The following LRFN2 variants were observed in gnomAD, a reference collection of about 807,000 sequenced individuals.
LRFN2 encodes the protein leucine-rich repeat and fibronectin type-III domain-containing protein 2.
LRFN2 carries 18 observed loss-of-function variants against 37.3 expected under a neutral mutation model. That is an observed-to-expected ratio of 0.48 (90% CI 0.33 to 0.72). The LOEUF (loss-of-function observed/expected upper bound fraction) is 0.72. LRFN2 is among the 30% of genes least tolerant of loss of function. The probability of loss-of-function intolerance (pLI) is 0.02; values close to 1 mark genes in which losing one functional copy is unlikely to be tolerated. For missense variants in LRFN2, 1,006 were observed against 1,060.7 expected (o/e 0.95, Z 0.72); for synonymous variants, 556 against 466.6 (o/e 1.19, Z -2.47).
intron 1 of LRFN2, chr6:40,517,588 C>T (rs1006385967): frequency 2.6e-4 from 39 of 152,342 alleles, no homozygotes; most frequent in African/African-American, 9.1e-4. Flanking sequence ...TATCCATTTC[C>T]CTGCTCGTTC....
chr6:40,474,585 G>A (rs1314416342), intron 1 of LRFN2, among the ~76,000 whole-genome samples: 2 of 152,162 alleles, frequency 1.3e-5, no homozygotes, highest in African/African-American at 2.4e-5. Context: ...TGCCTCCTGG[G>A]TTCAAGCAAT....
chr6:40,509,290 A>T (rs1245471548), intron 1 of LRFN2, among the ~76,000 whole-genome samples: 6 of 152,230 alleles, frequency 3.9e-5, no homozygotes, highest in Non-Finnish European at 8.8e-5. Context: ...GGGATCACTC[A>T]TGGGACAGAG....
intron 1 of LRFN2, among the ~76,000 whole-genome samples, chr6:40,492,577 G>A (rs1438215918): frequency 1.3e-5 from 2 of 152,204 alleles, no homozygotes; most frequent in Non-Finnish European, 2.9e-5. Flanking sequence ...ACTTACTGAG[G>A]CTTCTCAGCC....
At chr6:40,421,681 T>C (rs556681580) in intron 2 of LRFN2, among the ~76,000 whole-genome samples, 7 of 152,118 alleles carry the variant, frequency 4.6e-5, no homozygotes, top group Non-Finnish European at 1.0e-4. Context: ...GAGGAGGGTA[T>C]AATGAGGCAC....
intron 1 of LRFN2, among the ~76,000 whole-genome samples, chr6:40,476,149 A>T (rs1441517681): frequency 6.6e-6 from 1 of 152,114 alleles, no homozygotes; most frequent in Non-Finnish European, 1.5e-5. Context: ...TACCTTAGTC[A>T]GACTGGGCCT....
intron 1 of LRFN2, among the ~76,000 whole-genome samples, chr6:40,522,786 A>T (rs1354593400): frequency 1.3e-5 from 2 of 152,232 alleles, no homozygotes; most frequent in African/African-American, 2.4e-5. Context: ...GGGACCCCAC[A>T]GGGGTTTCAA....
intron 1 of LRFN2, among the ~76,000 whole-genome samples, chr6:40,527,519 C>G (rs980026978): frequency 6.6e-6 from 1 of 152,204 alleles, no homozygotes; most frequent in Non-Finnish European, 1.5e-5. Flanking sequence ...TCTAGGACCT[C>G]AAAGTCTCCA....
chr6:40,530,534 C>T (rs937649927), intron 1 of LRFN2, among the ~76,000 whole-genome samples: 1 of 152,074 alleles, frequency 6.6e-6, no homozygotes, highest in African/African-American at 2.4e-5. Context: ...ATCTCTATAA[C>T]GCTCTGTTCT....
intron 1 of LRFN2, among the ~76,000 whole-genome samples, chr6:40,434,795 A>G (rs2113827774): frequency 6.6e-6 from 1 of 151,758 alleles, no homozygotes; most frequent in Non-Finnish European, 1.5e-5. Flanking sequence ...TTGCCTGCTA[A>G]ACATACTAAT....
chr6:40,456,836 G>A (rs1450381447), intron 1 of LRFN2, among the ~76,000 whole-genome samples: 1 of 152,146 alleles, frequency 6.6e-6, no homozygotes, highest in Admixed American at 6.5e-5. Context: ...CTTGGGTCAA[G>A]GACACAAGAA....
At chr6:40,504,480 C>T (rs945654458) in intron 1 of LRFN2, among the ~76,000 whole-genome samples, 1 of 151,950 alleles carries the variant, frequency 6.6e-6, no homozygotes, top group Admixed American at 6.6e-5. Flanking sequence ...AAGAAGTGGG[C>T]GTATGAGGAA....
At chr6:40,422,494 G>T (rs1203508462) in intron 2 of LRFN2, among the ~76,000 whole-genome samples, 1 of 151,444 alleles carries the variant, frequency 6.6e-6, no homozygotes, top group African/African-American at 2.4e-5. Flanking sequence ...CACAGTCAGG[G>T]TTGGGAAACA....
At chr6:40,565,560 G>T (rs1767072304) in intron 1 of LRFN2, among the ~76,000 whole-genome samples, 1 of 152,210 alleles carries the variant, frequency 6.6e-6, no homozygotes, top group African/African-American at 2.4e-5. Flanking sequence ...GAACAGAGCA[G>T]AGCCCTCAGA....
intron 1 of LRFN2, among the ~76,000 whole-genome samples, chr6:40,533,959 A>G (rs997231604): frequency 6.6e-6 from 1 of 152,190 alleles, no homozygotes; most frequent in Non-Finnish European, 1.5e-5. Context: ...TTCCTCAGGC[A>G]TTGCTCCAAG....
intron 2 of LRFN2, among the ~76,000 whole-genome samples, chr6:40,406,026 C>T (rs529237557): frequency 2.6e-5 from 4 of 152,246 alleles, no homozygotes; most frequent in African/African-American, 7.2e-5. Flanking sequence ...GAGGGAGCGT[C>T]GCCCTCCTCC....
intron 1 of LRFN2, among the ~76,000 whole-genome samples, chr6:40,473,210 C>T (rs1285739599): frequency 6.6e-6 from 1 of 152,178 alleles, no homozygotes; most frequent in Non-Finnish European, 1.5e-5. Flanking sequence ...TGACAAGCAG[C>T]TCCCAGTTGC....
intron 1 of LRFN2, among the ~76,000 whole-genome samples, chr6:40,482,225 G>T (rs908848540): frequency 2.0e-5 from 3 of 152,200 alleles, no homozygotes; most frequent in Admixed American, 2.0e-4. Context: ...CCTCCCAGTG[G>T]GCCCAAGTCT....
chr6:40,527,856 T>G (rs367913628), intron 1 of LRFN2, among the ~76,000 whole-genome samples: 1 of 152,244 alleles, frequency 6.6e-6, no homozygotes, highest in African/African-American at 2.4e-5. Flanking sequence ...TTGGGTCATA[T>G]AGAGGAGACA....
At chr6:40,494,159 CA>C (rs139200803) in intron 1 of LRFN2, among the ~76,000 whole-genome samples, 2,004 of 152,296 alleles carry the variant, frequency 0.013, 38 homozygotes, top group African/African-American at 0.043. Context: ...ATCTCAGGTC[CA>C]GGGGGAGACA....
Sources: gnomAD v4.1 joint callset for allele counts (sites outside exome capture counted in the v4.1 genomes callset) on GRCh38, gnomAD v4.1.1 for gene constraint, MANE v1.5 for transcripts, NCBI Gene and HGNC (gene_info 2026-07-23, HGNC 2026-07-21) for gene names.